The following ZNF385D variants were observed in gnomAD, a reference collection of about 807,000 sequenced individuals.
ZNF385D encodes the protein zinc finger protein 385D.
ZNF385D carries 15 observed loss-of-function variants against 35.8 expected under a neutral mutation model. The observed-to-expected ratio is 0.42, with a 90% CI of 0.28 to 0.64. ZNF385D has a LOEUF of 0.64. Ranked by LOEUF, ZNF385D falls within the 30% of genes least tolerant of loss-of-function variation. ZNF385D has a pLI of 0.23. For missense variants in ZNF385D, 474 were observed against 494.6 expected (o/e 0.96, Z 0.39); for synonymous variants, 212 against 186.8 (o/e 1.13, Z -1.10).
At chr3:21,678,130 G>T (rs1015616963) in intron 1 of ZNF385D, among the ~76,000 whole-genome samples, 3 of 152,018 alleles carry the variant, frequency 2.0e-5, no homozygotes, top group Admixed American at 1.3e-4. Context: ...AAACCTCTCT[G>T]TAAGTCTTGG....
At chr3:22,170,951 A>T (rs889144156) in intron 2 of ZNF385D, among the ~76,000 whole-genome samples, 10 of 152,216 alleles carry the variant, frequency 6.6e-5, no homozygotes, top group Admixed American at 1.3e-4. Flanking sequence ...AACCAAAAAT[A>T]AGATGTAAAT....
In ZNF385D at chr3:22,154,859, C is replaced by A. The variant is rs76679517; in HGVS notation, c.325+13958G>T. 7.3e-3 allele frequency among the ~76,000 whole-genome samples: 1,105 copies of A among 152,242 alleles called. 15 individuals are homozygous for A. Among genetic ancestry groups the A allele is most frequent in the African/African-American group, 0.025 (1,036 of 41,546 alleles). ...TATTGGATTCCTAATAACACCACCT[C>A]TCCACAGAAAACAGGAAACATTCAT... On this transcript the variant is annotated intron_variant, in intron 3 of 5. Transcript: ENST00000494108.
In ZNF385D at chr3:21,694,042, CTTTT is replaced by C. The variant is rs35586361; in HGVS notation, c.23-29018_23-29015del. On this transcript the variant is annotated intron_variant, in intron 1 of 7. Transcript: ENST00000281523. ...TACAGGCGCGTGCCACTACGCCTGG[CTTTT>C]TTTTTTTTTTTTTTTGAGACAGAGT... Among the ~76,000 whole-genome samples the C allele has an allele frequency of 2.7e-4, 6 of 22,178 alleles. 1 individual carries two copies. Among genetic ancestry groups the C allele is most frequent in the Non-Finnish European group, 5.1e-4 (6 of 11,802 alleles). 14.5% of individuals were successfully genotyped at this position (22,178 alleles called of 152,430 possible).
intron 3 of ZNF385D, among the ~76,000 whole-genome samples, chr3:22,085,713 A>T (rs2620549): frequency 6.6e-6 from 1 of 151,988 alleles, no homozygotes; most frequent in Non-Finnish European, 1.5e-5. Context: ...ATGAGGCCAG[A>T]ATCATCCTGA....
At chr3:22,089,713 C>G (rs1429179741) in intron 3 of ZNF385D, among the ~76,000 whole-genome samples, 1 of 152,186 alleles carries the variant, frequency 6.6e-6, no homozygotes, top group Non-Finnish European at 1.5e-5. Context: ...ATTCTTTGAG[C>G]ATGCTATCTC....
chr3:21,929,328 G>C (rs946758560), intron 3 of ZNF385D, among the ~76,000 whole-genome samples: 2 of 151,822 alleles, frequency 1.3e-5, no homozygotes, highest in South Asian at 2.1e-4. Flanking sequence ...AACTAATAAA[G>C]GGCATCTATA....
Position 21,602,517 on chromosome 3 carries a change from C to CTTTTTTTTTTTTTTTT in ZNF385D, c.166-37849_166-37834dup, listed in dbSNP as rs746138066. On this transcript the variant is annotated intron_variant, in intron 2 of 7. Transcript: ENST00000281523. ...TAGGTCTCCTGTTTCCCTGCATTTT[C>CTTTTTTTTTTTTTTTT]TTTTTTTTTTTTTTTTTTTTTTTTT... Among the ~76,000 whole-genome samples, 169 of 62,676 alleles carry CTTTTTTTTTTTTTTTT rather than the reference C, an allele frequency of 2.7e-3. 19 individuals are homozygous for CTTTTTTTTTTTTTTTT. Among genetic ancestry groups the CTTTTTTTTTTTTTTTT allele is most frequent in the East Asian group, 8.2e-3 (9 of 1,102 alleles). 41.1% of individuals were successfully genotyped at this position (62,676 alleles called of 152,430 possible). A position where few individuals can be genotyped will look rare whatever the true frequency, so the allele number is the denominator to read the frequency against.
chr3:21,463,937 A>G (rs1381885337), intron 4 of ZNF385D, among the ~76,000 whole-genome samples: 1 of 151,770 alleles, frequency 6.6e-6, no homozygotes, highest in African/African-American at 2.4e-5. Context: ...TCTCTGTCCC[A>G]TATTTTCTTA....
intron 3 of ZNF385D, among the ~76,000 whole-genome samples, chr3:22,042,271 A>T (rs1698713007): frequency 6.6e-6 from 1 of 152,098 alleles, no homozygotes; most frequent in Non-Finnish European, 1.5e-5. Flanking sequence ...TTCCTTCTAG[A>T]GTTGTGGTAT....
intron 3 of ZNF385D, among the ~76,000 whole-genome samples, chr3:21,876,492 G>C (rs1697981295): frequency 6.6e-6 from 1 of 151,468 alleles, no homozygotes; most frequent in Admixed American, 6.6e-5. Context: ...TTTTGACTAA[G>C]AATGACACTA....
At chr3:22,315,489 A>C (rs186176340) in intron 2 of ZNF385D, among the ~76,000 whole-genome samples, 4 of 152,358 alleles carry the variant, frequency 2.6e-5, no homozygotes, top group African/African-American at 7.2e-5. Context: ...AACCTTGAGA[A>C]AACTATTTGG....
intron 2 of ZNF385D, among the ~76,000 whole-genome samples, chr3:22,225,829 T>C (rs1698520839): frequency 6.6e-6 from 1 of 152,240 alleles, no homozygotes; most frequent in African/African-American, 2.4e-5. Context: ...GCTAGATTTA[T>C]ACAAATGTGA....
intron 3 of ZNF385D, among the ~76,000 whole-genome samples, chr3:21,785,566 T>TC (rs1415297586): frequency 6.6e-6 from 1 of 152,182 alleles, no homozygotes; most frequent in Non-Finnish European, 1.5e-5. Flanking sequence ...TCCTGGTATC[T>TC]CCTCAGCCTC....
At chr3:21,810,714 A>G (rs924960599) in intron 3 of ZNF385D, among the ~76,000 whole-genome samples, 1 of 152,082 alleles carries the variant, frequency 6.6e-6, no homozygotes, top group Non-Finnish European at 1.5e-5. Flanking sequence ...CTGTATAAAC[A>G]TTTTATGTAA....
intron 3 of ZNF385D, among the ~76,000 whole-genome samples, chr3:22,105,582 C>G (rs553016879): frequency 6.6e-6 from 1 of 152,214 alleles, no homozygotes; most frequent in African/African-American, 2.4e-5. Context: ...AGCCAGAGAG[C>G]TGATGGTGTA....
intron 3 of ZNF385D, among the ~76,000 whole-genome samples, chr3:22,079,232 G>C (rs1315953533): frequency 2.0e-5 from 3 of 152,000 alleles, no homozygotes; most frequent in African/African-American, 7.2e-5. Context: ...GCAATTAGCT[G>C]ATAAAAGAAA....
chr3:21,721,032 T>C (rs985436817), intron 1 of ZNF385D, among the ~76,000 whole-genome samples: 4 of 152,250 alleles, frequency 2.6e-5, no homozygotes, highest in African/African-American at 7.2e-5. Context: ...TTAAAAAACA[T>C]ATCCTTTCTT....
At chr3:21,752,019 C>CT (rs2070125221), upstream of ZNF385D, among the ~76,000 whole-genome samples, 1 of 125,262 alleles carries the variant, frequency 8.0e-6, no homozygotes, top group African/African-American at 3.0e-5. Flanking sequence ...CCCCCTCCCC[C>CT]CCCCACCACA....
intron 3 of ZNF385D, among the ~76,000 whole-genome samples, chr3:21,827,786 T>G (rs1005409158): frequency 6.6e-6 from 1 of 152,226 alleles, no homozygotes; most frequent in Admixed American, 6.5e-5. Flanking sequence ...GCGTGACATT[T>G]GGTTCTTCAT....
Sources: gnomAD v4.1 joint callset for allele counts (sites outside exome capture counted in the v4.1 genomes callset) on GRCh38, gnomAD v4.1.1 for gene constraint, MANE v1.5 for transcripts, NCBI Gene and HGNC (gene_info 2026-07-23, HGNC 2026-07-21) for gene names.